The following PSEN1 variants were observed in gnomAD, a reference collection of about 807,000 sequenced individuals.
The protein encoded by PSEN1 is presenilin 1.
A neutral mutation model predicts 53.5 loss-of-function variants in PSEN1; 15 were observed. The observed-to-expected ratio is 0.28, with a 90% CI of 0.19 to 0.43. PSEN1 has a LOEUF of 0.43. Among genes scored for constraint, PSEN1 ranks in the 20% least tolerant of loss-of-function variants. The pLI is 1.00. For synonymous variants in PSEN1, 208 were observed against 209.8 expected (o/e 0.99, Z 0.08); for missense variants, 387 against 571.2 (o/e 0.68, Z 3.29).
rs367954967 is a variant in PSEN1 at position 73,222,669 on chromosome 14, T to C, written c.*3380T>C. 4 of 152,392 alleles carry C rather than the reference T, an allele frequency of 2.6e-5. No individual in the cohort carries two copies. Among genetic ancestry groups the C allele is most frequent in the East Asian group, 1.9e-4 (1 of 5,196 alleles). The allele number at this position is 152,392 out of a possible 1,614,324, so 9.4% of individuals were successfully genotyped here. Reference sequence around the variant, plus strand: ...AAGATAAATTCTCAGAATGTAGTTATAATCTCTTGTTTTCTGGTATATGCC... The same window carrying C: ...AAGATAAATTCTCAGAATGTAGTTACAATCTCTTGTTTTCTGGTATATGCC... On this transcript the variant is annotated 3_prime_UTR_variant, in exon 12 of 12. Transcript: ENST00000324501.
Position 73,206,362 on chromosome 14 carries a change from C to G in PSEN1, c.869-24C>G, listed in dbSNP as rs750870919. On this transcript the variant is annotated intron_variant, in intron 8 of 11. Transcript: ENST00000324501. ...CATACTTTGTGTGTCCAGTGCTTAC[C>G]TGGAATTTTGTCTTTCCCAACAGCA... The G allele has an allele frequency of 2.5e-6, 4 of 1,592,092 alleles. No homozygotes were observed. In the South Asian group the frequency reaches 4.4e-5, roughly 18 times the overall value.
At chr14:73,142,495 T>A (rs1347121374) in intron 1 of PSEN1, among the ~76,000 whole-genome samples, 1 of 152,236 alleles carries the variant, frequency 6.6e-6, no homozygotes, top group Non-Finnish European at 1.5e-5. Context: ...TTTATATTTA[T>A]GTCTGAGAGT....
chr14:73,150,960 T>C (rs1396113253), intron 3 of PSEN1, among the ~76,000 whole-genome samples: 1 of 151,142 alleles, frequency 6.6e-6, no homozygotes, highest in Non-Finnish European at 1.5e-5. Flanking sequence ...CCCAGCTACT[T>C]GGGAGGCTGA....
chr14:73,197,941 T>C, intron 7 of PSEN1, 90 bp from the exon 8 acceptor site: 3 of 735,152 alleles, frequency 4.1e-6, no homozygotes, highest in Non-Finnish European at 7.2e-6. Flanking sequence ...AACATTAAAC[T>C]TTTTTCCTTC....
intron 5 of PSEN1, among the ~76,000 whole-genome samples, chr14:73,184,529 A>C (rs1399912062): frequency 8.1e-6 from 1 of 123,904 alleles, no homozygotes; most frequent in African/African-American, 3.3e-5. Flanking sequence ...TGACCCCCCC[A>C]CCTCCCTCTC....
chr14:73,148,961 A>G (rs1390560965), intron 3 of PSEN1, among the ~76,000 whole-genome samples: 1 of 152,150 alleles, frequency 6.6e-6, no homozygotes, highest in Non-Finnish European at 1.5e-5. Flanking sequence ...ATAAATAAAT[A>G]GAGAAAAAGA....
At chr14:73,205,091 A>C (rs182861388) in intron 8 of PSEN1, among the ~76,000 whole-genome samples, 9 of 152,314 alleles carry the variant, frequency 5.9e-5, no homozygotes, top group African/African-American at 2.2e-4. Flanking sequence ...TTCTTTCATA[A>C]GTTCTTCAAG....
intron 8 of PSEN1, among the ~76,000 whole-genome samples, chr14:73,201,757 T>C (rs971494585): frequency 3.9e-5 from 6 of 152,078 alleles, no homozygotes; most frequent in African/African-American, 1.4e-4. Context: ...TATTTATTTA[T>C]TTTTTTTGAA....
At chr14:73,202,431 TA>T (rs1899235559) in intron 8 of PSEN1, among the ~76,000 whole-genome samples, 3 of 12,306 alleles carry the variant, frequency 2.4e-4, no homozygotes, top group Admixed American at 9.0e-4. Context: ...TATATATATA[TA>T]TATATATATA....
intron 5 of PSEN1, among the ~76,000 whole-genome samples, chr14:73,184,241 CGGGCGGGGGGCTG>C (rs1898359727): frequency 2.8e-5 from 3 of 107,990 alleles, no homozygotes; most frequent in South Asian, 3.2e-4. Context: ...GGCGGCTGGC[CGGGCGGGGGGCTG>C]ACCCCCCCAC....
intron 5 of PSEN1, among the ~76,000 whole-genome samples, chr14:73,184,598 A>G (rs1353884974): frequency 8.5e-6 from 1 of 118,038 alleles, no homozygotes. Context: ...GCGGCCGGGC[A>G]GAGGCGCCCC....
intron 4 of PSEN1, among the ~76,000 whole-genome samples, chr14:73,172,758 A>G (rs913295611): frequency 2.0e-5 from 3 of 152,238 alleles, no homozygotes; most frequent in Non-Finnish European, 2.9e-5. Flanking sequence ...AGTAGTGCAG[A>G]GGTAGGCAGT....
At chr14:73,186,319 CG>C (rs1360334804) in intron 5 of PSEN1, among the ~76,000 whole-genome samples, 1 of 151,250 alleles carries the variant, frequency 6.6e-6, no homozygotes, top group Non-Finnish European at 1.5e-5. Context: ...GCGGAGGTTG[CG>C]GTGAGCCGAG....
intron 8 of PSEN1, among the ~76,000 whole-genome samples, chr14:73,204,038 G>T (rs1473772896): frequency 6.6e-6 from 1 of 151,986 alleles, no homozygotes; most frequent in Non-Finnish European, 1.5e-5. Context: ...CGCTCTCATT[G>T]CCCAGGCTGG....
intron 3 of PSEN1, among the ~76,000 whole-genome samples, chr14:73,165,933 A>G (rs1401591023): frequency 6.6e-6 from 1 of 150,966 alleles, no homozygotes; most frequent in Non-Finnish European, 1.5e-5. Flanking sequence ...GTGGATGCCG[A>G]TAATCCCAGC....
chr14:73,149,516 T>G (rs1253548946), intron 3 of PSEN1, among the ~76,000 whole-genome samples: 1 of 152,126 alleles, frequency 6.6e-6, no homozygotes, highest in East Asian at 1.9e-4. Context: ...CTCTGAAGAT[T>G]TAGGATTCTT....
chr14:73,149,353 G>A (rs547579643), intron 3 of PSEN1, among the ~76,000 whole-genome samples: 1 of 151,812 alleles, frequency 6.6e-6, no homozygotes, highest in African/African-American at 2.4e-5. Context: ...CACAGTTATG[G>A]TACATCTGGG....
chr14:73,204,711 C>T (rs1329293355), intron 8 of PSEN1, among the ~76,000 whole-genome samples: 2 of 152,168 alleles, frequency 1.3e-5, no homozygotes, highest in Admixed American at 6.5e-5. Context: ...CCTAATAAAT[C>T]GCTGGTGGCT....
At chr14:73,175,391 G>T (rs1898019363) in intron 5 of PSEN1, among the ~76,000 whole-genome samples, 1 of 152,104 alleles carries the variant, frequency 6.6e-6, no homozygotes, top group South Asian at 2.1e-4. Flanking sequence ...CCTCGCAAGG[G>T]CTGGGATTAC....
Sources: allele counts gnomAD v4.1 joint callset (sites outside exome capture counted in the v4.1 genomes callset), GRCh38; gene constraint gnomAD v4.1.1; transcripts MANE v1.5; gene names NCBI Gene and HGNC (gene_info 2026-07-23, HGNC 2026-07-21).